The following ABCB7 variants were observed in gnomAD, a reference collection of about 807,000 sequenced individuals.
ABCB7 encodes the protein ATP binding cassette subfamily B member 7, also known as iron-sulfur clusters transporter ABCB7, mitochondrial.
In ABCB7, 7 loss-of-function variants were observed where a neutral mutation model predicts 54.4. The ratio of observed to expected loss-of-function variants is 0.13; its 90% CI spans 0.07 to 0.24. The LOEUF is 0.24. Ranked by LOEUF, ABCB7 falls within the 10% of genes least tolerant of loss-of-function variation. ABCB7 has a pLI of 1.00. For synonymous variants in ABCB7, 218 were observed against 207.1 expected (o/e 1.05, Z -0.45); for missense variants, 356 against 570.4 (o/e 0.62, Z 3.83).
At chrX:75,090,390 T>C (rs1210183860) in intron 4 of ABCB7, among the ~76,000 whole-genome samples, 1 of 110,920 alleles carries the variant, frequency 9.0e-6, no homozygotes, top group Non-Finnish European at 1.9e-5. Context: ...TGCTTTTAAA[T>C]AACACATGGG....
intron 1 of ABCB7, among the ~76,000 whole-genome samples, chrX:75,138,223 TACACACACACACACAC>T (rs60844679): frequency 1.4e-4 from 14 of 99,434 alleles, no homozygotes; most frequent in Non-Finnish European, 2.4e-4. Context: ...GCAACCCTCA[TACACACACACACACAC>T]ACACACACAC....
intron 1 of ABCB7, among the ~76,000 whole-genome samples, chrX:75,142,080 A>G (rs2082058123): frequency 8.9e-6 from 1 of 111,844 alleles, no homozygotes; most frequent in African/African-American, 3.2e-5. Context: ...AAAAATTCCA[A>G]TTAACAAATG....
intron 4 of ABCB7, 28 bp downstream of exon 4, chrX:75,098,914 A>C (rs745684206): frequency 8.3e-7 from 1 of 1,210,555 alleles, no homozygotes; most frequent in East Asian, 3.0e-5. Flanking sequence ...TCTTAGTTAG[A>C]GCAACCAAAC....
At chrX:75,125,033 T>A (rs1002323533) in intron 1 of ABCB7, among the ~76,000 whole-genome samples, 7 of 112,146 alleles carry the variant, frequency 6.2e-5, no homozygotes, top group African/African-American at 2.3e-4. Context: ...AATTTCATTA[T>A]GTTTTTCTAT....
Position 75,052,890 on chromosome X carries a change from A to C in ABCB7, c.*480T>G, listed in dbSNP as rs1182884667. ...TGCATGTCTATTTCTGATACATTCT[A>C]ATTTTAAAAGTTTATAAATTCATTT... is the stretch of plus-strand genomic sequence containing the variant. On this transcript the variant is annotated 3_prime_UTR_variant, in exon 16 of 16. Coordinates refer to ENST00000373394, the MANE Select transcript of ABCB7 (RefSeq NM_001271696.3). 8.6e-6 allele frequency: 1 copy of C among 116,542 alleles called. No individual in the cohort carries two copies. The highest frequency in any genetic ancestry group is 1.8e-5 in the Non-Finnish European group (1 of 56,000). The allele number at this position is 116,542 out of a possible 1,213,427, so 9.6% of individuals were successfully genotyped here.
chrX:75,150,343 C>A (rs748480497), intron 1 of ABCB7, among the ~76,000 whole-genome samples: 2 of 111,228 alleles, frequency 1.8e-5, no homozygotes, highest in South Asian at 7.6e-4. Context: ...CAGATGAGGA[C>A]TTCAGGGAGA....
At position 75,075,442 on chromosome X, in the gene ABCB7, C is replaced by T; in HGVS notation, c.775G>A (p.Gly259Ser). Reference sequence around the variant, plus strand: ...AAAGCACTCAGGACAAAACTGATACCCCTTGTTCCTCTGTCAATAGCCTTA... The same window carrying T: ...AAAGCACTCAGGACAAAACTGATACTCCTTGTTCCTCTGTCAATAGCCTTA... ...LSKAIDRGTRGISFVLSALVF... is the reference protein window; with the variant it reads ...LSKAIDRGTRSISFVLSALVF... Residue 259 changes from glycine (G) to serine (S), a missense_variant, in exon 6 of 16, where the codon GGT (glycine) becomes AGT (serine). Physicochemically the swap from Gly to Ser is moderately conservative, Grantham distance 56 (BLOSUM62 0). Coordinates refer to ENST00000373394, the MANE Select transcript of ABCB7 (RefSeq NM_001271696.3). The T allele has an allele frequency of 2.5e-6, 3 of 1,210,423 alleles. No homozygotes were observed. Among genetic ancestry groups the T allele is most frequent in the Non-Finnish European group, 3.4e-6 (3 of 894,460 alleles).
intron 1 of ABCB7, among the ~76,000 whole-genome samples, chrX:75,130,131 G>A (rs1043121291): frequency 3.6e-5 from 4 of 111,648 alleles, no homozygotes; most frequent in African/African-American, 1.3e-4. Context: ...TCATATTACT[G>A]ACTGATAACC....
chrX:75,120,797 GGGTTCCTAACCTATGGTAAGT>G (rs1272329637), intron 1 of ABCB7, among the ~76,000 whole-genome samples: 13 of 110,002 alleles, frequency 1.2e-4, no homozygotes, highest in Non-Finnish European at 2.3e-4. Flanking sequence ...TTCCTGTGCA[GGGTTCCTAACCTATGGTAAGT>G]AAAGAATGTT....
chrX:75,110,499 A>T (rs2081749932), intron 3 of ABCB7, among the ~76,000 whole-genome samples: 1 of 112,115 alleles, frequency 8.9e-6, no homozygotes, highest in African/African-American at 3.2e-5. Flanking sequence ...TTCTGATTAC[A>T]TCAAGCTCTC....
At chrX:75,118,040 T>C (rs1182611256) in intron 1 of ABCB7, among the ~76,000 whole-genome samples, 1 of 112,627 alleles carries the variant, frequency 8.9e-6, no homozygotes, top group Non-Finnish European at 1.9e-5. Flanking sequence ...TACTTTGTGC[T>C]ATGAATTTGT....
intron 3 of ABCB7, among the ~76,000 whole-genome samples, chrX:75,104,047 G>GTTTTTTTTGTTTTTTTTTTTTTTTTTT (rs2081664100): frequency 6.7e-4 from 9 of 13,443 alleles, no homozygotes; most frequent in Non-Finnish European, 1.6e-3. Context: ...TCTTGTTACA[G>GTTTTTTTTGTTTTTTTTTTTTTTTTTT]TTTTTTTTTT....
At chrX:75,076,903 C>T (rs966304575) in intron 4 of ABCB7, among the ~76,000 whole-genome samples, 3 of 111,319 alleles carry the variant, frequency 2.7e-5, no homozygotes, top group Non-Finnish European at 5.6e-5. Context: ...AATGCTTCTG[C>T]TTCCATGAAA....
At chrX:75,134,061 C>G (rs1201857436) in intron 1 of ABCB7, among the ~76,000 whole-genome samples, 1 of 111,972 alleles carries the variant, frequency 8.9e-6, no homozygotes, top group Non-Finnish European at 1.9e-5. Context: ...AGAAACAAGA[C>G]CAAACTGTAT....
At chrX:75,116,640 T>C (rs1306712512) in intron 1 of ABCB7, among the ~76,000 whole-genome samples, 1 of 111,333 alleles carries the variant, frequency 9.0e-6, no homozygotes, top group Non-Finnish European at 1.9e-5. Flanking sequence ...AAAATTTGCT[T>C]CTCGGGTCAA....
intron 1 of ABCB7, among the ~76,000 whole-genome samples, chrX:75,145,973 TA>T (rs925752232): frequency 4.5e-5 from 5 of 110,197 alleles, no homozygotes; most frequent in African/African-American, 1.7e-4. Flanking sequence ...AATAAAAAGA[TA>T]AAAAAATAAA....
intron 1 of ABCB7, among the ~76,000 whole-genome samples, chrX:75,145,621 T>C (rs1416779267): frequency 1.8e-5 from 2 of 111,744 alleles, no homozygotes; most frequent in Non-Finnish European, 3.8e-5. Context: ...ACAGCCAACA[T>C]CACAACATCA....
Position 75,156,211 on chromosome X carries a change from C to T in ABCB7, c.62G>A (p.Arg21His), listed in dbSNP as rs2082176169. The T allele has an allele frequency of 8.3e-6, 10 of 1,203,807 alleles. No individual in the cohort carries two copies. The highest frequency in any genetic ancestry group is 5.4e-5 in the South Asian group (3 of 55,682). ...WAAAAAAFEK[R>H]RHSAILIRPL... The stretch of plus-strand genomic sequence containing the variant: ...CCGGATCAGAATCGCGGAGTGCCGG[C>T]GCTTTTCGAAAGCAGCCGCCGCGGC... Residue 21 changes from arginine (R) to histidine (H), a missense_variant, in exon 1 of 16, where the codon CGC becomes CAC. Arg to His is a conservative substitution (Grantham distance 29). Around this residue, in one of 2 missense-constraint regions of ABCB7, gnomAD observed 115 missense variants for 99.5 expected, o/e 1.16. Transcript: ENST00000373394.
Position 75,053,282 on chromosome X carries a change from G to A in ABCB7, c.*88C>T, listed in dbSNP as rs1164759856. The A allele has an allele frequency of 1.8e-6, 2 of 1,084,473 alleles. No homozygotes were observed. Among genetic ancestry groups the A allele is most frequent in the East Asian group, 3.0e-5 (1 of 33,099 alleles). The allele number at this position is 1,084,473 out of a possible 1,213,427, so 89.4% of individuals were successfully genotyped here. A position where few individuals can be genotyped will look rare whatever the true frequency, so the allele number is the denominator to read the frequency against. On this transcript the variant is annotated 3_prime_UTR_variant, in exon 16 of 16. Transcript: ENST00000373394. ...TCTAAAAGAAGGATTATAGAAAATG[G>A]GAATGTATGATTTTTTTAATAAAAC... is the stretch of plus-strand genomic sequence containing the variant.
Sources: allele counts gnomAD v4.1 joint callset (sites outside exome capture counted in the v4.1 genomes callset), GRCh38; gene constraint gnomAD v4.1.1; regional missense constraint gnomAD v4.1.1; transcripts MANE v1.5; gene names NCBI Gene and HGNC (gene_info 2026-07-23, HGNC 2026-07-21).